Variants in TUSC3 observed in about 807,000 individuals in gnomAD.
The protein encoded by TUSC3 is tumor suppressor candidate 3.
Under a neutral mutation model 44.8 loss-of-function variants are expected in TUSC3, and 45 were observed. The ratio of observed to expected loss-of-function variants is 1.00; its 90% CI spans 0.79 to 1.29. The LOEUF (loss-of-function observed/expected upper bound fraction) is 1.29, where lower values mean the gene tolerates loss of function less well. TUSC3 is among the 50% of genes most tolerant of loss of function. The pLI is 0.00. For missense variants in TUSC3, 519 were observed against 437.9 expected (o/e 1.19, Z -1.65); for synonymous variants, 212 against 152.9 (o/e 1.39, Z -2.85).
intron 6 of TUSC3, among the ~76,000 whole-genome samples, chr8:15,705,427 A>G (rs951708084): frequency 6.6e-6 from 1 of 152,156 alleles, no homozygotes. Flanking sequence ...ATAGTATTCT[A>G]TTAAATTAGA....
rs187733841 is a variant in TUSC3 at position 15,598,833 on chromosome 8, A to G, written c.139-24247A>G. 3.3e-5 allele frequency among the ~76,000 whole-genome samples: 5 copies of G among 151,824 alleles called. No homozygotes were observed. In the East Asian group the frequency reaches 5.8e-4, roughly 18 times the overall value. On this transcript the variant is annotated intron_variant, in intron 1 of 10. Transcript: ENST00000503731. ...TCTGGATGTACCAGTTTATTTACCC[A>G]TTCACTTACCAGAGGATGTCTTGGT...
chr8:15,542,123 A>G (rs994437624), intron 1 of TUSC3, among the ~76,000 whole-genome samples: 2 of 151,938 alleles, frequency 1.3e-5, no homozygotes, highest in Admixed American at 6.6e-5. Context: ...GACATAATAC[A>G]TTGATCAATA....
chr8:15,660,904 TA>T (rs60971907), intron 4 of TUSC3, among the ~76,000 whole-genome samples: 7,095 of 95,130 alleles, frequency 0.075, 252 homozygotes, highest in South Asian at 0.21. Flanking sequence ...AAACTTTTGT[TA>T]AAAAAAAAAA....
chr8:15,440,075 C>T (rs903141375), intron 1 of TUSC3, among the ~76,000 whole-genome samples: 23 of 152,150 alleles, frequency 1.5e-4, no homozygotes, highest in Non-Finnish European at 2.1e-4. Flanking sequence ...ATCCCACTTA[C>T]GCATGTGTAA....
the TUSC3 span, chr8:15,806,975 C>G: frequency 4.8e-6 from 7 of 1,465,346 alleles, no homozygotes; most frequent in Admixed American, 3.4e-5. Context: ...TCCAGGAAAC[C>G]TGTTCTGATT....
intron 8 of TUSC3, among the ~76,000 whole-genome samples, chr8:15,746,208 T>C (rs1227154166): frequency 6.6e-6 from 1 of 152,224 alleles, no homozygotes; most frequent in East Asian, 1.9e-4. Context: ...AATCTTACAA[T>C]ATTTATTGTA....
chr8:15,516,094 A>G (rs1011015573), intron 2 of TUSC3, among the ~76,000 whole-genome samples: 45 of 152,220 alleles, frequency 3.0e-4, no homozygotes, highest in Admixed American at 3.3e-4. Flanking sequence ...CAGTAAGATT[A>G]GTCTAGATTT....
At chr8:15,495,732 G>A (rs1213177617) in intron 2 of TUSC3, among the ~76,000 whole-genome samples, 1 of 152,148 alleles carries the variant, frequency 6.6e-6, no homozygotes, top group Non-Finnish European at 1.5e-5. Context: ...TCTTCCTGGA[G>A]TCAGTGGGCT....
At chr8:15,675,983 A>T (rs1189676754) in intron 6 of TUSC3, among the ~76,000 whole-genome samples, 1 of 152,080 alleles carries the variant, frequency 6.6e-6, no homozygotes, top group African/African-American at 2.4e-5. Context: ...CGGTAGTTCT[A>T]TCTTAAGTTC....
the TUSC3 span, among the ~76,000 whole-genome samples, chr8:15,849,953 G>A: frequency 6.6e-6 from 1 of 152,134 alleles, no homozygotes; most frequent in South Asian, 2.1e-4. Flanking sequence ...TGAGTGCTTA[G>A]AGCATTCTGT....
intron 2 of TUSC3, among the ~76,000 whole-genome samples, chr8:15,517,125 A>T (rs1801227396): frequency 6.6e-6 from 1 of 152,130 alleles, no homozygotes; most frequent in African/African-American, 2.4e-5. Context: ...TTTCTGAACA[A>T]AGTACTCCAG....
At chr8:15,695,046 C>T (rs898778650) in intron 6 of TUSC3, among the ~76,000 whole-genome samples, 2 of 152,160 alleles carry the variant, frequency 1.3e-5, no homozygotes, top group East Asian at 1.9e-4. Context: ...CATGTGCCCT[C>T]CATTCACACT....
upstream of TUSC3, among the ~76,000 whole-genome samples, chr8:15,535,512 A>T (rs541237551): frequency 5.4e-4 from 82 of 152,312 alleles, no homozygotes; most frequent in African/African-American, 1.9e-3. Flanking sequence ...TTACATTCTA[A>T]TGGGAAAAGA....
At chr8:15,601,918 T>TA (rs869209772) in intron 1 of TUSC3, among the ~76,000 whole-genome samples, 3 of 3,638 alleles carry the variant, frequency 8.2e-4, no homozygotes, top group African/African-American at 4.0e-3. Context: ...TATTTATGTA[T>TA]TTTTTTTTAG....
intron 7 of TUSC3, 73 bp from the exon 8 acceptor site, chr8:15,743,465 T>A (rs1168907440): frequency 6.9e-7 from 1 of 1,459,206 alleles, no homozygotes; most frequent in Non-Finnish European, 9.6e-7. Flanking sequence ...TCTGGAACAT[T>A]GTGTTCAGAG....
chr8:15,434,743 T>A (rs1443469976), intron 1 of TUSC3, among the ~76,000 whole-genome samples: 1 of 151,128 alleles, frequency 6.6e-6, no homozygotes, highest in Non-Finnish European at 1.5e-5. Context: ...TGTCCGTGTG[T>A]TCTCATTGTT....
intron 1 of TUSC3, among the ~76,000 whole-genome samples, chr8:15,555,834 C>T (rs191585968): frequency 4.6e-5 from 7 of 151,192 alleles, no homozygotes; most frequent in African/African-American, 7.3e-5. Context: ...AAATTTCTTA[C>T]GGACTCTTTC....
In TUSC3 at chr8:15,563,685, C is replaced by CAAAAAAA. The variant is rs150368776; in HGVS notation, c.138+23131_138+23137dup. On this transcript the variant is annotated intron_variant, in intron 1 of 10. Transcript: ENST00000503731. ...TGAGTGACAGAGTGAGCCTCCATCT[C>CAAAAAAA]AAAAAAAAAAAAAAAAAAAAGAACA... 3.2e-3 allele frequency among the ~76,000 whole-genome samples: 256 copies of CAAAAAAA among 79,874 alleles called. 1 individual carries two copies. The highest frequency in any genetic ancestry group is 8.6e-3 in the Middle Eastern group (1 of 116). 52.4% of individuals were successfully genotyped at this position (79,874 alleles called of 152,430 possible). A position where few individuals can be genotyped will look rare whatever the true frequency, so the allele number is the denominator to read the frequency against.
intron 1 of TUSC3, among the ~76,000 whole-genome samples, chr8:15,466,920 G>C (rs17576901): frequency 6.6e-6 from 1 of 151,936 alleles, no homozygotes; most frequent in African/African-American, 2.4e-5. Context: ...TTATGTAAAA[G>C]ATTTCTTTCC....
Sources: gnomAD v4.1 joint callset for allele counts (sites outside exome capture counted in the v4.1 genomes callset) on GRCh38, gnomAD v4.1.1 for gene constraint, MANE v1.5 for transcripts, NCBI Gene and HGNC (gene_info 2026-07-23, HGNC 2026-07-21) for gene names.